The following SLC23A2 variants were observed in gnomAD, a reference collection of about 807,000 sequenced individuals.
SLC23A2 encodes Na(+)/L-ascorbic acid transporter 2.
A neutral mutation model predicts 73.3 loss-of-function variants in SLC23A2; 36 were observed. The observed-to-expected ratio is 0.49, with a 90% CI of 0.38 to 0.65. The LOEUF (loss-of-function observed/expected upper bound fraction) is 0.65, where lower values mean the gene tolerates loss of function less well. SLC23A2 is among the 30% of genes least tolerant of loss of function. The pLI is 0.00. For synonymous variants in SLC23A2, 343 were observed against 327.3 expected, an observed-to-expected ratio of 1.05 and a Z score of -0.52; for missense variants, 507 against 841.6, an observed-to-expected ratio of 0.60 and a Z score of 4.92.
chr20:4,921,848 C>T (rs1007760781), intron 3 of SLC23A2, among the ~76,000 whole-genome samples: 2 of 152,094 alleles, frequency 1.3e-5, no homozygotes, highest in Admixed American at 6.5e-5. Context: ...AAGAACATAT[C>T]AGCATTCTTG....
chr20:5,007,357 C>G (rs1159077538), intron 1 of SLC23A2, among the ~76,000 whole-genome samples: 1 of 151,996 alleles, frequency 6.6e-6, no homozygotes, highest in East Asian at 1.9e-4. Context: ...ACAGTGAAAC[C>G]CTGTCTCTAC....
intron 9 of SLC23A2, among the ~76,000 whole-genome samples, chr20:4,879,420 A>AAAAAAT (rs1930793308): frequency 6.6e-6 from 1 of 151,050 alleles, no homozygotes; most frequent in African/African-American, 2.4e-5. Flanking sequence ...AAAAAAAAAA[A>AAAAAAT]AAAAAAAAAA....
chr20:4,874,033 G>T lies in SLC23A2; in HGVS notation c.1005C>A (p.Val335=). 1 of 1,614,162 alleles carries T rather than the reference G, an allele frequency of 6.2e-7. No homozygotes were observed. Among genetic ancestry groups the T allele is most frequent in the Non-Finnish European group, 8.5e-7 (1 of 1,180,002 alleles). The change falls in exon 11 of 17, where the codon GTC becomes GTA. Residue 335 remains valine, a synonymous_variant. Coordinates refer to ENST00000338244, the MANE Select transcript of SLC23A2 (RefSeq NM_005116.6). ...CATACTTTGTGCTGTCGGGAGGGAA[G>T]ACATCTGTCACCGTGAAGATGAAGC... ...LLCFIFTVTD[V]FPPDSTKYGF...
At chr20:4,990,143 A>G (rs2087901980) in intron 1 of SLC23A2, among the ~76,000 whole-genome samples, 1 of 152,232 alleles carries the variant, frequency 6.6e-6, no homozygotes, top group African/African-American at 2.4e-5. Flanking sequence ...CATCTAAAAA[A>G]GTGTGAGCAA....
intron 2 of SLC23A2, among the ~76,000 whole-genome samples, chr20:4,938,479 C>T (rs1376968553): frequency 2.6e-5 from 4 of 152,026 alleles, no homozygotes; most frequent in African/African-American, 9.7e-5. Context: ...GCTGGGATTA[C>T]AGGCATGCGC....
intron 1 of SLC23A2, among the ~76,000 whole-genome samples, chr20:4,982,738 C>CA (rs1281404215): frequency 2.0e-5 from 3 of 152,082 alleles, no homozygotes; most frequent in East Asian, 3.9e-4. Context: ...ATGTGATTTT[C>CA]AAAAAAGGGC....
intron 1 of SLC23A2, among the ~76,000 whole-genome samples, chr20:4,994,755 C>T (rs976921379): frequency 7.3e-5 from 11 of 151,334 alleles, no homozygotes; most frequent in Non-Finnish European, 1.3e-4. Flanking sequence ...AGCAAGATTC[C>T]GTCCCCAAAA....
In SLC23A2 at chr20:4,953,274, C is replaced by A. The variant is rs533825367; in HGVS notation, c.-155+17519G>T. Among the ~76,000 whole-genome samples, 20 of 151,886 alleles carry A rather than the reference C, an allele frequency of 1.3e-4. 1 individual carries two copies. The highest frequency in any genetic ancestry group is 2.5e-4 in the Non-Finnish European group (17 of 67,982). On this transcript the variant is annotated intron_variant, in intron 2 of 16. Transcript: ENST00000338244. ...TCAGCCAAGATAGCGCCACTGCACT[C>A]CAGCCTGGCAACACAGCAAGACTCC...
At chr20:4,878,777 T>C (rs1029555363) in intron 9 of SLC23A2, among the ~76,000 whole-genome samples, 2 of 152,226 alleles carry the variant, frequency 1.3e-5, no homozygotes, top group African/African-American at 4.8e-5. Context: ...CCATCTATAC[T>C]AAATATTTAT....
chr20:4,890,595 G>C (rs1037509628), intron 6 of SLC23A2, among the ~76,000 whole-genome samples: 4 of 152,264 alleles, frequency 2.6e-5, no homozygotes, highest in African/African-American at 9.6e-5. Context: ...GAGGTTGCAA[G>C]TGAGCCTAGA....
intron 1 of SLC23A2, among the ~76,000 whole-genome samples, chr20:4,971,704 T>C (rs1198469434): frequency 6.6e-6 from 1 of 151,174 alleles, no homozygotes; most frequent in Non-Finnish European, 1.5e-5. Context: ...GGAGGATTCC[T>C]TGAGCCCAGG....
chr20:4,983,361 A>C (rs976250347), intron 1 of SLC23A2, among the ~76,000 whole-genome samples: 3 of 151,984 alleles, frequency 2.0e-5, no homozygotes, highest in Middle Eastern at 3.2e-3. Context: ...AAAAGACACA[A>C]GCAGGCTGGG....
At chr20:4,957,598 GAA>G (rs1484104925) in intron 2 of SLC23A2, among the ~76,000 whole-genome samples, 2 of 142,962 alleles carry the variant, frequency 1.4e-5, no homozygotes, top group Non-Finnish European at 3.0e-5. Context: ...AAAAAAAAAA[GAA>G]AAGAAAAAAA....
chr20:4,966,087 T>C (rs1168805732), intron 2 of SLC23A2, among the ~76,000 whole-genome samples: 1 of 151,958 alleles, frequency 6.6e-6, no homozygotes, highest in Non-Finnish European at 1.5e-5. Flanking sequence ...AATAAAATTA[T>C]AAGCTATAGA....
chr20:4,863,894 T>C lies in SLC23A2; in HGVS notation c.1357-987A>G, dbSNP rs1231022661. Among the ~76,000 whole-genome samples the C allele has an allele frequency of 6.6e-6, 1 of 152,230 alleles. No individual in the cohort carries two copies. The highest frequency in any genetic ancestry group is 1.9e-4 in the East Asian group (1 of 5,194). ...GGCTCTCATAGCACCATGTAGGGCA[T>C]ATCTGCTACTCCTGATCTCTGCCTC... On this transcript the variant is annotated intron_variant, in intron 13 of 16. Coordinates refer to ENST00000338244, the MANE Select transcript of SLC23A2 (RefSeq NM_005116.6). This position sits in a 1 kb window ranked among gnomAD's most constrained non-coding sequence, Gnocchi z 4.8.
At chr20:4,922,865 G>A (rs991631076) in intron 3 of SLC23A2, among the ~76,000 whole-genome samples, 15 of 144,178 alleles carry the variant, frequency 1.0e-4, no homozygotes, top group African/African-American at 3.5e-4. Context: ...ACACACACAA[G>A]TAAGAGATGG....
At chr20:4,926,947 G>T (rs571251578) in intron 3 of SLC23A2, among the ~76,000 whole-genome samples, 1 of 151,878 alleles carries the variant, frequency 6.6e-6, no homozygotes, top group Non-Finnish European at 1.5e-5. Flanking sequence ...TCTCAGCAAC[G>T]GCCAGATTTG....
chr20:4,966,213 G>C (rs2087472417), intron 2 of SLC23A2, among the ~76,000 whole-genome samples: 1 of 152,136 alleles, frequency 6.6e-6, no homozygotes, highest in Non-Finnish European at 1.5e-5. Flanking sequence ...CCAGGCAACA[G>C]AAAATCTAAA....
At position 4,860,427 on chromosome 20, in the gene SLC23A2, A is replaced by G. The variant is rs754674345; in HGVS notation, c.1625-1043T>C. Among the ~76,000 whole-genome samples, 10 of 152,264 alleles carry G rather than the reference A, an allele frequency of 6.6e-5. No homozygotes were observed. The South Asian group carries it at 1.4e-3, about 22-fold the overall frequency. ...CCGTGTGCTTTCCGTTGGTGATCTC[A>G]CTGTTTAAAATGTCCAAGTGGTGTG... is the stretch of plus-strand genomic sequence containing the variant. On this transcript the variant is annotated intron_variant, in intron 15 of 16. Coordinates refer to ENST00000338244, the MANE Select transcript of SLC23A2 (RefSeq NM_005116.6).
Sources: allele counts gnomAD v4.1 joint callset (sites outside exome capture counted in the v4.1 genomes callset), GRCh38; gene constraint gnomAD v4.1.1; non-coding constraint Gnocchi (gnomAD v3.1); transcripts MANE v1.5; gene names NCBI Gene and HGNC (gene_info 2026-07-23, HGNC 2026-07-21).